The following KHDRBS1 variants were observed in gnomAD, a reference collection of about 807,000 sequenced individuals.
The protein encoded by KHDRBS1 is KH RNA binding domain containing, signal transduction associated 1.
Under a neutral mutation model 48.4 loss-of-function variants are expected in KHDRBS1, and 7 were observed. The observed-to-expected ratio is 0.14, with a 90% CI of 0.08 to 0.27. KHDRBS1 has a LOEUF of 0.27. KHDRBS1 is among the 10% of genes least tolerant of loss of function. The probability of loss-of-function intolerance (pLI) is 1.00; values close to 1 mark genes in which losing one functional copy is unlikely to be tolerated. For synonymous variants in KHDRBS1, 241 were observed against 235.8 expected (o/e 1.02, Z -0.20); for missense variants, 458 against 601.2 (o/e 0.76, Z 2.49).
downstream of KHDRBS1, among the ~76,000 whole-genome samples, chr1:32,047,021 T>A (rs148482435): frequency 6.6e-5 from 10 of 152,248 alleles, no homozygotes; most frequent in African/African-American, 2.4e-4. Flanking sequence ...AACCTTTCAT[T>A]TGGACTGTGA....
chr1:32,046,164 T>C (rs550411), downstream of KHDRBS1, among the ~76,000 whole-genome samples: 1 of 152,128 alleles, frequency 6.6e-6, no homozygotes, highest in Non-Finnish European at 1.5e-5. Flanking sequence ...TATACTGTCC[T>C]TAATCTAGGG....
chr1:32,021,412 TAAAG>T (rs778330492), intron 1 of KHDRBS1, among the ~76,000 whole-genome samples: 14 of 152,106 alleles, frequency 9.2e-5, no homozygotes, highest in African/African-American at 2.2e-4. Flanking sequence ...CCAAAAAAAA[TAAAG>T]AACCTATTGG....
intron 3 of KHDRBS1, among the ~76,000 whole-genome samples, chr1:32,032,170 T>C (rs72876689): frequency 0.032 from 4,832 of 152,172 alleles, 245 homozygotes; most frequent in African/African-American, 0.11. Context: ...GTCTTTTTTT[T>C]CCCCATGCCA....
rs1553222311 is a variant in KHDRBS1, at chr1:32,025,927, A to ATATATATATATATATATATT, written c.383-4368_383-4367insATATATATATATATATTTAT. Among the ~76,000 whole-genome samples the ATATATATATATATATATATT allele has an allele frequency of 2.0e-5, 3 of 146,516 alleles. No homozygotes were observed. In the East Asian group the frequency reaches 6.0e-4, roughly 29 times the overall value. Reference sequence around the variant, plus strand: ...ACCCAGCTAATTTAAATATATATATATATTTATTTATTTATTTATTTATTT... The same window carrying ATATATATATATATATATATT: ...ACCCAGCTAATTTAAATATATATATATATATATATATATATATATTTATTTATTTATTTATTTATTTATTT... On this transcript the variant is annotated intron_variant, in intron 1 of 8. Coordinates refer to ENST00000327300, the MANE Select transcript of KHDRBS1 (RefSeq NM_006559.3).
chr1:32,027,940 C>T (rs1639007124), intron 1 of KHDRBS1, among the ~76,000 whole-genome samples: 2 of 152,126 alleles, frequency 1.3e-5, no homozygotes, highest in African/African-American at 4.8e-5. Context: ...TGGTGAAACC[C>T]CATCTCTACT....
At chr1:32,025,214 CATT>C (rs1177360959) in intron 1 of KHDRBS1, among the ~76,000 whole-genome samples, 7 of 147,990 alleles carry the variant, frequency 4.7e-5, no homozygotes, top group African/African-American at 1.5e-4. Context: ...TACAGTGAGC[CATT>C]ATTGTGCCAC....
chr1:32,041,943 C>T (rs1274597711), intron 8 of KHDRBS1, among the ~76,000 whole-genome samples: 1 of 152,172 alleles, frequency 6.6e-6, no homozygotes, highest in East Asian at 1.9e-4. Flanking sequence ...CATCCCTCTA[C>T]CAGAGAGAGC....
chr1:32,020,617 A>T lies in KHDRBS1; in HGVS notation c.382+6240A>T, dbSNP rs574660658. ...ATACAGTGGAACAGTACTGTGCAAT[A>T]AAAAAAAAAAAAAAAAGGAACTGTT... On this transcript the variant is annotated intron_variant, in intron 1 of 8. Coordinates refer to ENST00000327300, the MANE Select transcript of KHDRBS1 (RefSeq NM_006559.3). Among the ~76,000 whole-genome samples the T allele has an allele frequency of 1.1e-3, 129 of 119,620 alleles. 4 individuals carry two copies. In the East Asian group the frequency reaches 0.022, roughly 21 times the overall value. 78.5% of individuals were successfully genotyped at this position (119,620 alleles called of 152,430 possible).
At position 32,016,918 on chromosome 1, in the gene KHDRBS1, T is replaced by C. The variant is rs72876657; in HGVS notation, c.382+2541T>C. On this transcript the variant is annotated intron_variant, in intron 1 of 8. Transcript: ENST00000327300. ...ACAGAGTGGCCTCTTATTAAATATT[T>C]CACGAAATAATACATATTCACCTTC... Among the ~76,000 whole-genome samples, 3 of 152,198 alleles carry C rather than the reference T, an allele frequency of 2.0e-5. No individual in the cohort carries two copies. In the East Asian group the frequency reaches 5.8e-4, roughly 29 times the overall value.
chr1:32,022,324 T>C (rs1167783110), intron 1 of KHDRBS1, among the ~76,000 whole-genome samples: 4 of 152,060 alleles, frequency 2.6e-5, no homozygotes, highest in African/African-American at 9.7e-5. Flanking sequence ...ATTCGGTTAA[T>C]GATTATAGAT....
At chr1:32,022,829 G>T (rs1638888242) in intron 1 of KHDRBS1, among the ~76,000 whole-genome samples, 2 of 151,976 alleles carry the variant, frequency 1.3e-5, no homozygotes, top group African/African-American at 4.8e-5. Flanking sequence ...GGCGGAGGTT[G>T]CAGTGAGCCA....
At chr1:32,016,967 A>G (rs1266867003) in intron 1 of KHDRBS1, among the ~76,000 whole-genome samples, 1 of 152,194 alleles carries the variant, frequency 6.6e-6, no homozygotes, top group African/African-American at 2.4e-5. Flanking sequence ...CTGATGAAAA[A>G]ATGATGACAG....
chr1:32,049,666 A>ATTTTTT (rs927296646), intron 10 of KHDRBS1, among the ~76,000 whole-genome samples: 1 of 137,648 alleles, frequency 7.3e-6, no homozygotes, highest in Non-Finnish European at 1.6e-5. Context: ...TTTATTTTTT[A>ATTTTTT]TTTTTTTTTT....
chr1:32,024,457 T>A (rs1278003358), intron 1 of KHDRBS1, among the ~76,000 whole-genome samples: 1 of 151,960 alleles, frequency 6.6e-6, no homozygotes, highest in Non-Finnish European at 1.5e-5. Flanking sequence ...ACAACAGTTG[T>A]ACGCCACCAC....
At chr1:32,042,503 A>C (rs936157332) in intron 8 of KHDRBS1, 24 bp from the exon 9 acceptor site, 1 of 1,555,924 alleles carries the variant, frequency 6.4e-7, no homozygotes. Context: ...CATGGTTTAT[A>C]AACTGTCTTT....
intron 1 of KHDRBS1, among the ~76,000 whole-genome samples, chr1:32,025,237 C>T (rs1015348449): frequency 1.3e-5 from 2 of 149,246 alleles, no homozygotes; most frequent in African/African-American, 5.0e-5. Context: ...CTCATTCCAG[C>T]CTGGGTGACA....
intron 1 of KHDRBS1, among the ~76,000 whole-genome samples, chr1:32,028,726 C>T (rs564443882): frequency 1.2e-3 from 176 of 150,876 alleles, no homozygotes; most frequent in Admixed American, 3.5e-3. Context: ...AGGATGGTCT[C>T]GATTTCCAGA....
chr1:32,032,702 CTT>C (rs929075517), intron 3 of KHDRBS1, among the ~76,000 whole-genome samples: 1 of 146,542 alleles, frequency 6.8e-6, no homozygotes. Context: ...GTTTGTTTTA[CTT>C]TTTTTTTTTT....
At chr1:32,055,069 A>G (rs1190130247) in intron 10 of KHDRBS1, among the ~76,000 whole-genome samples, 3 of 152,160 alleles carry the variant, frequency 2.0e-5, no homozygotes, top group Non-Finnish European at 2.9e-5. Flanking sequence ...GGGTGGCCGC[A>G]TGATCAGCTT....
Sources: allele counts gnomAD v4.1 joint callset (sites outside exome capture counted in the v4.1 genomes callset), GRCh38; gene constraint gnomAD v4.1.1; transcripts MANE v1.5; gene names NCBI Gene and HGNC (gene_info 2026-07-23, HGNC 2026-07-21).